Variants in NALF1 observed in about 807,000 individuals in gnomAD.
The protein encoded by NALF1 is NALCN channel auxiliary factor 1.
In NALF1, 3 loss-of-function variants were observed where a neutral mutation model predicts 48.4. The ratio of observed to expected loss-of-function variants is 0.06; its 90% confidence interval spans 0.03 to 0.16. The LOEUF is 0.16. Among genes scored for constraint, NALF1 ranks in the 10% least tolerant of loss-of-function variants. The pLI, the probability that NALF1 is intolerant of heterozygous loss-of-function variation, is 1.00. For missense variants in NALF1, 526 were observed against 571.5 expected (o/e 0.92, Z 0.81); for synonymous variants, 262 against 245.7 (o/e 1.07, Z -0.62).
intron 1 of NALF1, among the ~76,000 whole-genome samples, chr13:107,555,468 T>C (rs9520485): frequency 8.7e-6 from 1 of 114,454 alleles, no homozygotes; most frequent in East Asian, 3.2e-4. Flanking sequence ...TTTTTTTTTG[T>C]ATTTTTAGTA....
intron 1 of NALF1, among the ~76,000 whole-genome samples, chr13:107,296,862 T>C (rs1211245827): frequency 1.3e-5 from 2 of 151,878 alleles, no homozygotes; most frequent in African/African-American, 4.8e-5. Flanking sequence ...AATTCAAAGG[T>C]AGGTAAGGGT....
chr13:107,678,126 T>C (rs1037044128), intron 1 of NALF1, among the ~76,000 whole-genome samples: 1 of 152,226 alleles, frequency 6.6e-6, no homozygotes, highest in African/African-American at 2.4e-5. Flanking sequence ...GGAAAAATTA[T>C]CCTGGCTAGA....
intron 1 of NALF1, among the ~76,000 whole-genome samples, chr13:107,612,113 G>A (rs1189802897): frequency 1.8e-5 from 1 of 55,360 alleles, no homozygotes; most frequent in Non-Finnish European, 3.6e-5. Context: ...AGGGAGGAAG[G>A]GGAGGGGGGA....
intron 1 of NALF1, among the ~76,000 whole-genome samples, chr13:107,373,837 A>T (rs1490631082): frequency 6.6e-6 from 1 of 152,192 alleles, no homozygotes; most frequent in Admixed American, 6.5e-5. Flanking sequence ...CTGGCCGAGC[A>T]TGGGAGAAGG....
chr13:107,253,123 A>G (rs1880736811), intron 1 of NALF1, among the ~76,000 whole-genome samples: 2 of 152,114 alleles, frequency 1.3e-5, no homozygotes, highest in Admixed American at 1.3e-4. Flanking sequence ...ACAAAAAGCA[A>G]ATTTGAATCA....
Position 107,164,752 on chromosome 13 carries a change from T to C in NALF1, c.*5745A>G, listed in dbSNP as rs1233353581. The C allele has an allele frequency of 1.3e-5, 2 of 152,124 alleles. No individual in the cohort carries two copies. Among genetic ancestry groups the C allele is most frequent in the Non-Finnish European group, 2.9e-5 (2 of 68,028 alleles). The allele number at this position is 152,124 out of a possible 1,614,324, so 9.4% of individuals were successfully genotyped here. ...AGACTTTCAAACTGTATTGAAAATC[T>C]ATTGATGGTCAGTCTGCTAGCTTAA... On this transcript the variant is annotated 3_prime_UTR_variant, in exon 3 of 3. Coordinates refer to ENST00000375915, the MANE Select transcript of NALF1 (RefSeq NM_001080396.3).
chr13:107,297,668 C>T (rs781485879), intron 1 of NALF1, among the ~76,000 whole-genome samples: 32 of 152,092 alleles, frequency 2.1e-4, no homozygotes, highest in Non-Finnish European at 3.7e-4. Flanking sequence ...AGGCCTAGCC[C>T]GATAGATATA....
intron 1 of NALF1, among the ~76,000 whole-genome samples, chr13:107,687,709 T>C (rs1178694762): frequency 6.6e-6 from 1 of 152,190 alleles, no homozygotes; most frequent in Non-Finnish European, 1.5e-5. Flanking sequence ...ATGTAGCTAT[T>C]TCAGTTTCTC....
chr13:107,210,577 A>G lies in NALF1; in HGVS notation c.1087+7T>C. 6.2e-7 allele frequency: 1 copy of G among 1,602,546 alleles called. No individual in the cohort carries two copies. Among genetic ancestry groups the G allele is most frequent in the Non-Finnish European group, 8.5e-7 (1 of 1,170,128 alleles). On this transcript the variant is annotated splice_region_variant and intron_variant, in intron 2 of 2. Coordinates refer to ENST00000375915, the MANE Select transcript of NALF1 (RefSeq NM_001080396.3). Reference sequence around the variant, plus strand: ...ACTGGTGTACAGACTCCCACCCGGCACTGTACCTGTACAGATGAAACTGGA... The same window carrying G: ...ACTGGTGTACAGACTCCCACCCGGCGCTGTACCTGTACAGATGAAACTGGA...
intron 1 of NALF1, among the ~76,000 whole-genome samples, chr13:107,754,810 C>T (rs1022021852): frequency 7.0e-6 from 1 of 142,302 alleles, no homozygotes; most frequent in Non-Finnish European, 1.6e-5. Flanking sequence ...TCCACTAACA[C>T]TGACAAGAAC....
intron 1 of NALF1, among the ~76,000 whole-genome samples, chr13:107,848,908 A>C (rs545055875): frequency 6.6e-6 from 1 of 152,338 alleles, no homozygotes; most frequent in Non-Finnish European, 1.5e-5. Context: ...ACGAGGCCAC[A>C]TAGGTTTATT....
At chr13:107,820,254 T>C (rs1164098672) in intron 1 of NALF1, among the ~76,000 whole-genome samples, 1 of 152,210 alleles carries the variant, frequency 6.6e-6, no homozygotes, top group Non-Finnish European at 1.5e-5. Context: ...GAATGATGCA[T>C]TCTGTGGTGT....
At chr13:107,405,059 C>A (rs546486745) in intron 1 of NALF1, among the ~76,000 whole-genome samples, 1 of 152,012 alleles carries the variant, frequency 6.6e-6, no homozygotes, top group African/African-American at 2.4e-5. Flanking sequence ...TATATAGGAT[C>A]TGTGCACTTT....
At chr13:107,734,896 C>A (rs190461330) in intron 1 of NALF1, among the ~76,000 whole-genome samples, 110 of 152,228 alleles carry the variant, frequency 7.2e-4, no homozygotes, top group Non-Finnish European at 1.2e-3. Context: ...CCACTGTACT[C>A]CAGCCCCACG....
chr13:107,318,381 G>C (rs760800692), intron 1 of NALF1, among the ~76,000 whole-genome samples: 2 of 152,080 alleles, frequency 1.3e-5, no homozygotes, highest in Non-Finnish European at 2.9e-5. Context: ...AAGTTACTGA[G>C]TTATTGAATG....
chr13:107,548,224 T>G (rs900978344), intron 1 of NALF1, among the ~76,000 whole-genome samples: 1 of 152,148 alleles, frequency 6.6e-6, no homozygotes, highest in Non-Finnish European at 1.5e-5. Flanking sequence ...CAAGTGGTAT[T>G]TGGTTTTTTC....
chr13:107,268,895 T>C (rs899320034), intron 1 of NALF1, among the ~76,000 whole-genome samples: 2 of 152,130 alleles, frequency 1.3e-5, no homozygotes, highest in South Asian at 4.1e-4. Context: ...CCATAATAAG[T>C]ATTTTGTTTG....
chr13:107,746,257 C>A (rs1324591076), intron 1 of NALF1, among the ~76,000 whole-genome samples: 1 of 152,126 alleles, frequency 6.6e-6, no homozygotes, highest in African/African-American at 2.4e-5. Flanking sequence ...GAGGCCTCCC[C>A]AGCCATGTAG....
At chr13:107,619,288 A>T (rs1428717186) in intron 1 of NALF1, among the ~76,000 whole-genome samples, 1 of 152,070 alleles carries the variant, frequency 6.6e-6, no homozygotes, top group African/African-American at 2.4e-5. Context: ...ACCCTGTTAG[A>T]GTGAAAGCAC....
Sources: gnomAD v4.1 joint callset for allele counts (sites outside exome capture counted in the v4.1 genomes callset) on GRCh38, gnomAD v4.1.1 for gene constraint, MANE v1.5 for transcripts, NCBI Gene and HGNC (gene_info 2026-07-23, HGNC 2026-07-21) for gene names.